CSGALNACT1: variants seen among roughly 807,000 people sequenced by gnomAD.
CSGALNACT1 encodes chondroitin sulfate N-acetylgalactosaminyltransferase 1.
In CSGALNACT1, 52 loss-of-function variants were observed where a neutral mutation model predicts 51.0. The ratio of observed to expected loss-of-function variants is 1.02; its 90% CI spans 0.82 to 1.29. CSGALNACT1 has a LOEUF of 1.29. Among genes scored for constraint, CSGALNACT1 ranks in the 50% most tolerant of loss-of-function variants. CSGALNACT1 has a pLI of 0.00. For synonymous variants in CSGALNACT1, 341 were observed against 254.4 expected (o/e 1.34, Z -3.24); for missense variants, 935 against 679.2 (o/e 1.38, Z -4.19).
At chr8:19,501,592 G>C (rs1038424970) in intron 4 of CSGALNACT1, among the ~76,000 whole-genome samples, 2 of 152,208 alleles carry the variant, frequency 1.3e-5, no homozygotes, top group Admixed American at 1.3e-4. Context: ...GGTGACAGAA[G>C]AGCAAACCCA....
chr8:19,575,370 A>G (rs1311801986), intron 3 of CSGALNACT1, among the ~76,000 whole-genome samples: 2 of 152,220 alleles, frequency 1.3e-5, no homozygotes, highest in African/African-American at 2.4e-5. Flanking sequence ...ATACAGCACC[A>G]CCTATTAAGT....
chr8:19,457,450 T>C (rs765563145), intron 5 of CSGALNACT1: 96 of 366,324 alleles, frequency 2.6e-4, no homozygotes, highest in Middle Eastern at 9.8e-4. Flanking sequence ...CGGTCTCTAC[T>C]AAAAATGCAA....
At chr8:19,416,142 T>G (rs891872570) in intron 8 of CSGALNACT1, among the ~76,000 whole-genome samples, 1 of 130,432 alleles carries the variant, frequency 7.7e-6, no homozygotes, top group Non-Finnish European at 1.6e-5. Context: ...TGAGACAGAG[T>G]CTTGCTCTGT....
intron 3 of CSGALNACT1, among the ~76,000 whole-genome samples, chr8:19,590,279 TCA>T (rs764955126): frequency 2.4e-4 from 36 of 152,340 alleles, no homozygotes; most frequent in South Asian, 1.2e-3. Context: ...CAAAGGGAAT[TCA>T]CAGAGGCACT....
intron 1 of CSGALNACT1, among the ~76,000 whole-genome samples, chr8:19,671,237 C>G (rs1009516376): frequency 6.6e-5 from 10 of 152,168 alleles, no homozygotes; most frequent in Non-Finnish European, 1.0e-4. Flanking sequence ...ATGCCAGACC[C>G]TGAAGGTTCT....
At chr8:19,467,245 G>A (rs1255417254) in intron 4 of CSGALNACT1, among the ~76,000 whole-genome samples, 1 of 150,308 alleles carries the variant, frequency 6.7e-6, no homozygotes, top group African/African-American at 2.5e-5. Context: ...TCAGCCTCCT[G>A]AGTAGCTGGG....
intron 1 of CSGALNACT1, among the ~76,000 whole-genome samples, chr8:19,650,036 A>G (rs1245324849): frequency 6.6e-6 from 1 of 152,104 alleles, no homozygotes; most frequent in Non-Finnish European, 1.5e-5. Context: ...TCAGCAGGCC[A>G]AAACAGTACT....
intron 3 of CSGALNACT1, among the ~76,000 whole-genome samples, chr8:19,574,600 C>A (rs1185769591): frequency 6.6e-6 from 1 of 152,182 alleles, no homozygotes; most frequent in East Asian, 1.9e-4. Flanking sequence ...GCCAGCCCAC[C>A]TCGTGCTGCC....
At chr8:19,449,879 C>T (rs2062789236) in intron 5 of CSGALNACT1, among the ~76,000 whole-genome samples, 1 of 151,358 alleles carries the variant, frequency 6.6e-6, no homozygotes, top group African/African-American at 2.4e-5. Context: ...CAGAGAGGCT[C>T]AGAGATAAAG....
At chr8:19,406,336 T>C (rs1193637069) in intron 9 of CSGALNACT1, among the ~76,000 whole-genome samples, 1 of 151,698 alleles carries the variant, frequency 6.6e-6, no homozygotes, top group Non-Finnish European at 1.5e-5. Flanking sequence ...TCAAGAGTTA[T>C]CAGCAATGCT....
rs546425523 is a variant in CSGALNACT1 at position 19,707,722 on chromosome 8, C to T, written c.-297+50128G>A. ...CCCTAAACTATATTAGCTATAAGGC[C>T]GGGTGTGGTGGCTCACACCTGTAAT... On this transcript the variant is annotated intron_variant, in intron 1 of 1. Transcript: ENST00000517494. Among the ~76,000 whole-genome samples, 78 of 152,182 alleles carry T rather than the reference C, an allele frequency of 5.1e-4. No individual in the cohort carries two copies. The South Asian group carries it at 0.016, about 30-fold the overall frequency.
chr8:19,536,220 T>C (rs1041740220), intron 3 of CSGALNACT1, among the ~76,000 whole-genome samples: 1 of 152,180 alleles, frequency 6.6e-6, no homozygotes, highest in Non-Finnish European at 1.5e-5. Flanking sequence ...ATTTAACAAA[T>C]ATATCACTCT....
At chr8:19,667,368 T>C (rs2059463799) in intron 1 of CSGALNACT1, among the ~76,000 whole-genome samples, 1 of 151,640 alleles carries the variant, frequency 6.6e-6, no homozygotes, top group Non-Finnish European at 1.5e-5. Context: ...CCCAGGAGGT[T>C]GAGGCTGAAG....
At chr8:19,644,096 A>T (rs192151307) in intron 1 of CSGALNACT1, among the ~76,000 whole-genome samples, 4 of 152,346 alleles carry the variant, frequency 2.6e-5, no homozygotes, top group Admixed American at 2.6e-4. Context: ...ATTGTCTAAC[A>T]TTAAAATTAT....
intron 2 of CSGALNACT1, among the ~76,000 whole-genome samples, chr8:19,598,849 G>T (rs1416818944): frequency 3.3e-5 from 5 of 152,148 alleles, no homozygotes; most frequent in African/African-American, 1.2e-4. Flanking sequence ...CCATCTTCAG[G>T]TAGGAGACAT....
chr8:19,615,320 A>G (rs1407068105), intron 1 of CSGALNACT1, among the ~76,000 whole-genome samples: 1 of 152,238 alleles, frequency 6.6e-6, no homozygotes, highest in Admixed American at 6.5e-5. Context: ...CAACTGATAA[A>G]TAACGATTTC....
At chr8:19,607,737 C>G (rs988044416) in intron 1 of CSGALNACT1, among the ~76,000 whole-genome samples, 2 of 152,190 alleles carry the variant, frequency 1.3e-5, no homozygotes, top group African/African-American at 4.8e-5. Flanking sequence ...ACTGTGAGAT[C>G]TTAGGCAAGT....
intron 3 of CSGALNACT1, among the ~76,000 whole-genome samples, chr8:19,534,444 C>G (rs1438536600): frequency 6.6e-6 from 1 of 151,846 alleles, no homozygotes; most frequent in Non-Finnish European, 1.5e-5. Flanking sequence ...GAGTGAGACT[C>G]CATCTCAAGA....
intron 3 of CSGALNACT1, among the ~76,000 whole-genome samples, chr8:19,540,744 G>C (rs1413356022): frequency 4.6e-5 from 7 of 152,092 alleles, no homozygotes; most frequent in Non-Finnish European, 1.0e-4. Flanking sequence ...CTTGCCTGGA[G>C]AGCTTTGTTC....
Sources: gnomAD v4.1 joint callset for allele counts (sites outside exome capture counted in the v4.1 genomes callset) on GRCh38, gnomAD v4.1.1 for gene constraint, MANE v1.5 for transcripts, NCBI Gene and HGNC (gene_info 2026-07-23, HGNC 2026-07-21) for gene names.